The following UBE2J1 variants were observed in gnomAD, a reference collection of about 807,000 sequenced individuals.
UBE2J1 encodes the protein ubiquitin conjugating enzyme E2 J1, also known as ubiquitin-conjugating enzyme E2 J1.
Under a neutral mutation model 42.1 loss-of-function variants are expected in UBE2J1, and 17 were observed. That is an observed-to-expected ratio of 0.40 (90% CI 0.28 to 0.61). The LOEUF (loss-of-function observed/expected upper bound fraction) is 0.61, where lower values mean the gene tolerates loss of function less well. Among genes scored for constraint, UBE2J1 ranks in the 20% least tolerant of loss-of-function variants. The probability of loss-of-function intolerance (pLI) is 0.38; values close to 1 mark genes in which losing one functional copy is unlikely to be tolerated. For synonymous variants in UBE2J1, 127 were observed against 137.2 expected (o/e 0.93, Z 0.52); for missense variants, 291 against 389.4 (o/e 0.75, Z 2.13).
chr6:89,343,295 C>T lies in UBE2J1; in HGVS notation c.105+388G>A, dbSNP rs577205601. 8.6e-5 allele frequency among the ~76,000 whole-genome samples: 13 copies of T among 151,940 alleles called. No homozygotes were observed. The South Asian group carries it at 1.9e-3, about 22-fold the overall frequency. ...ACTAAAAATACAAAAATTAGCCGGG[C>T]GTGGTGGTGGGGGCCTGTAATCCCA... On this transcript the variant is annotated intron_variant, in intron 2 of 7. Coordinates refer to ENST00000435041, the MANE Select transcript of UBE2J1 (RefSeq NM_016021.3).
In UBE2J1 at chr6:89,329,611, T is replaced by C; in HGVS notation, c.*68A>G. The C allele has an allele frequency of 6.7e-7, 1 of 1,500,690 alleles. No individual in the cohort carries two copies. The highest frequency in any genetic ancestry group is 2.3e-5 in the East Asian group (1 of 44,334). The allele number at this position is 1,500,690 out of a possible 1,614,324, so 93.0% of individuals were successfully genotyped here. A position where few individuals can be genotyped will look rare whatever the true frequency, so the allele number is the denominator to read the frequency against. The stretch of plus-strand genomic sequence containing the variant: ...AAATAATCTTTTTGTAAACAATTCT[T>C]AGATTATACCCAATGCAGAATGTTT... On this transcript the variant is annotated 3_prime_UTR_variant, in exon 8 of 8. Coordinates refer to ENST00000435041, the MANE Select transcript of UBE2J1 (RefSeq NM_016021.3).
chr6:89,338,870 T>C (rs1023660978), intron 3 of UBE2J1, among the ~76,000 whole-genome samples: 20 of 152,076 alleles, frequency 1.3e-4, no homozygotes, highest in Middle Eastern at 3.4e-3. Flanking sequence ...TTTCACCGTG[T>C]TAGCCAGGAT....
intron 7 of UBE2J1, 35 bp from the exon 8 acceptor site, chr6:89,329,992 C>A: frequency 6.2e-7 from 1 of 1,600,192 alleles, no homozygotes; most frequent in Non-Finnish European, 8.5e-7. Context: ...TTGAAACTGG[C>A]AAAGAAGATT....
Position 89,333,199 on chromosome 6 carries a change from C to T in UBE2J1, c.565G>A (p.Val189Ile). ...LARQISFKAE[V>I]NSSGKTISES... ...GAGATAGTCTTTCCAGATGAATTGA[C>T]TTCTGCCTATAAACAAGATAGACCC... is the stretch of plus-strand genomic sequence containing the variant. Residue 189 changes from valine (V) to isoleucine (I), a missense_variant, in exon 7 of 8, where the codon GTC becomes ATC. By Grantham distance (29) the Val-to-Ile change is conservative (BLOSUM62 3). Around this residue, in one of 2 missense-constraint regions of UBE2J1, gnomAD observed 176 missense variants for 196.3 expected, o/e 0.90. Coordinates refer to ENST00000435041, the MANE Select transcript of UBE2J1 (RefSeq NM_016021.3). 1 of 1,609,010 alleles carries T rather than the reference C, an allele frequency of 6.2e-7. No individual in the cohort carries two copies. The highest frequency in any genetic ancestry group is 8.5e-7 in the Non-Finnish European group (1 of 1,178,020).
intron 1 of UBE2J1, among the ~76,000 whole-genome samples, chr6:89,349,310 T>C (rs1458883446): frequency 6.6e-6 from 1 of 152,206 alleles, no homozygotes; most frequent in Non-Finnish European, 1.5e-5. Context: ...TGAGCAGCCC[T>C]GTAGGCCAAG....
intron 3 of UBE2J1, among the ~76,000 whole-genome samples, chr6:89,341,484 C>T (rs769061604): frequency 1.1e-3 from 164 of 152,174 alleles, no homozygotes; most frequent in Non-Finnish European, 1.8e-3. Flanking sequence ...CACCTGTCAT[C>T]CTAGCACTTT....
chr6:89,338,721 A>G (rs1768166817), intron 3 of UBE2J1, among the ~76,000 whole-genome samples, 178 bp from the exon 4 acceptor site: 1 of 121,950 alleles, frequency 8.2e-6, no homozygotes, highest in Non-Finnish European at 1.6e-5. Context: ...GCTGGAGTGC[A>G]GTGGTGTGAT....
At chr6:89,330,720 C>T (rs1767993396) in intron 7 of UBE2J1, among the ~76,000 whole-genome samples, 1 of 152,036 alleles carries the variant, frequency 6.6e-6, no homozygotes, top group South Asian at 2.1e-4. Flanking sequence ...CACTTGAGCT[C>T]AGGAGGTTGA....
At chr6:89,352,220 A>G (rs1768497986) in intron 1 of UBE2J1, among the ~76,000 whole-genome samples, 1 of 152,074 alleles carries the variant, frequency 6.6e-6, no homozygotes, top group Admixed American at 6.5e-5. Context: ...GTTGATGACT[A>G]TCGCCCACCG....
At chr6:89,347,413 T>A (rs1020840373) in intron 1 of UBE2J1, among the ~76,000 whole-genome samples, 6 of 152,270 alleles carry the variant, frequency 3.9e-5, no homozygotes, top group Non-Finnish European at 7.3e-5. Context: ...TGTCATTCTA[T>A]ACCCTTATCG....
Position 89,349,037 on chromosome 6 carries a change from AC to A in UBE2J1, c.31+3501del, listed in dbSNP as rs547729905. On this transcript the variant is annotated intron_variant, in intron 1 of 7. Coordinates refer to ENST00000435041, the MANE Select transcript of UBE2J1 (RefSeq NM_016021.3). ...GAACACTTGAGCTCAGGCGTTTGAG[AC>A]CAGCCTGGGCAACATGGTGAAACCC... is the stretch of plus-strand genomic sequence containing the variant. Among the ~76,000 whole-genome samples, 34 of 152,298 alleles carry A rather than the reference AC, an allele frequency of 2.2e-4. 1 individual carries two copies. In the South Asian group the frequency reaches 6.4e-3, roughly 29 times the overall value.
Position 89,328,102 on chromosome 6 carries a change from A to G in UBE2J1, c.*1577T>C, listed in dbSNP as rs1023919500. On this transcript the variant is annotated 3_prime_UTR_variant, in exon 8 of 8. Transcript: ENST00000435041. ...TAAAATGCGAATTTATTAAAGTTTA[A>G]GACAATTCTGTATTATATAATAGTG... 1 of 152,242 alleles carries G rather than the reference A, an allele frequency of 6.6e-6. No individual in the cohort carries two copies. Among genetic ancestry groups the G allele is most frequent in the Non-Finnish European group, 1.5e-5 (1 of 68,046 alleles). 9.4% of individuals were successfully genotyped at this position (152,242 alleles called of 1,614,324 possible). A position where few individuals can be genotyped will look rare whatever the true frequency, so the allele number is the denominator to read the frequency against.
At chr6:89,343,942 C>A (rs1268883181) in intron 1 of UBE2J1, among the ~76,000 whole-genome samples, 186 bp from the exon 2 acceptor site, 1 of 152,104 alleles carries the variant, frequency 6.6e-6, no homozygotes, top group East Asian at 1.9e-4. Context: ...TAGGCATTAA[C>A]ACTTTAAAAG....
intron 1 of UBE2J1, among the ~76,000 whole-genome samples, chr6:89,351,069 C>CTT (rs1193022037): frequency 0.01 from 609 of 60,484 alleles, 84 homozygotes; most frequent in Non-Finnish European, 0.013. Context: ...CCGGGATTCT[C>CTT]TTTTTTTTTT....
At chr6:89,341,486 T>C (rs1768245463) in intron 3 of UBE2J1, among the ~76,000 whole-genome samples, 1 of 152,186 alleles carries the variant, frequency 6.6e-6, no homozygotes, top group Non-Finnish European at 1.5e-5. Flanking sequence ...CCTGTCATCC[T>C]AGCACTTTGG....
intron 6 of UBE2J1, among the ~76,000 whole-genome samples, chr6:89,334,145 A>G (rs1188248778): frequency 6.6e-6 from 1 of 152,016 alleles, no homozygotes; most frequent in Non-Finnish European, 1.5e-5. Context: ...CTGGGATTAC[A>G]GGCACACACC....
At chr6:89,352,481 C>CA in intron 1 of UBE2J1, 58 bp downstream of exon 1, 2 of 1,509,028 alleles carry the variant, frequency 1.3e-6, no homozygotes, top group Non-Finnish European at 1.8e-6. Flanking sequence ...AGGCGGCGAC[C>CA]ACCCCGGGGT....
chr6:89,346,642 T>G (rs1176335250), intron 1 of UBE2J1, among the ~76,000 whole-genome samples: 2 of 150,156 alleles, frequency 1.3e-5, no homozygotes, highest in African/African-American at 2.4e-5. Flanking sequence ...GGTTGCCCCC[T>G]GCCCCCCACC....
rs753474061 is a variant in UBE2J1, at chr6:89,335,409, C to T, written c.451G>A (p.Gly151Arg). 3.2e-6 allele frequency: 5 copies of T among 1,586,334 alleles called. No homozygotes were observed. In the South Asian group the frequency reaches 3.5e-5, roughly 11 times the overall value. The change falls in exon 6 of 8, where the codon GGA (glycine) becomes AGA (arginine). Residue 151 changes from glycine to arginine, a missense_variant. This residue lies in a region of UBE2J1 where 115 missense variants were observed against 193.1 expected (regional missense o/e 0.60). Transcript: ENST00000435041. ...AKKSQDFCCE[G>R]CGSAMKDVLL... ...ACATCCTTCATGGCAGAGCCACATC[C>T]TTCACAACAGAAATCTTGTGATCTA...
Sources: allele counts gnomAD v4.1 joint callset (sites outside exome capture counted in the v4.1 genomes callset), GRCh38; gene constraint gnomAD v4.1.1; regional missense constraint gnomAD v4.1.1; transcripts MANE v1.5; gene names NCBI Gene and HGNC (gene_info 2026-07-23, HGNC 2026-07-21).